Variants in DISC1 observed in about 807,000 individuals in gnomAD.
DISC1 encodes the protein DISC1 scaffold protein.
A neutral mutation model predicts 84.5 loss-of-function variants in DISC1; 57 were observed. The ratio of observed to expected loss-of-function variants is 0.67; its 90% CI spans 0.55 to 0.84. The LOEUF (loss-of-function observed/expected upper bound fraction) is 0.84. Ranked by LOEUF, DISC1 falls within the 40% of genes least tolerant of loss-of-function variation. The pLI is 0.00. For synonymous variants in DISC1, 411 were observed against 415.2 expected (o/e 0.99, Z 0.12); for missense variants, 1,000 against 1,057.8 (o/e 0.95, Z 0.76).
chr1:231,969,465 C>T (rs112166992), intron 10 of DISC1, among the ~76,000 whole-genome samples: 19 of 151,908 alleles, frequency 1.3e-4, no homozygotes, highest in African/African-American at 4.6e-4. Context: ...GATTTCCCAT[C>T]ACTTCTGAGA....
At chr1:231,707,741 T>A (rs1401190326) in intron 3 of DISC1, among the ~76,000 whole-genome samples, 6 of 152,162 alleles carry the variant, frequency 3.9e-5, no homozygotes, top group Non-Finnish European at 5.9e-5. Flanking sequence ...ATTAGATAGC[T>A]GCTGCTCTGG....
Position 231,800,227 on chromosome 1 carries a change from G to A in DISC1, c.1792+17G>A. On this transcript the variant is annotated intron_variant, in intron 8 of 12. Coordinates refer to ENST00000439617, the MANE Select transcript of DISC1 (RefSeq NM_018662.3). ...CCATATCAGGTAACTGGCAGTGTAG[G>A]AGACGTTGAAGCTATCCAACTAAAA... 6.3e-7 allele frequency: 1 copy of A among 1,595,908 alleles called. No homozygotes were observed. Among genetic ancestry groups the A allele is most frequent in the Non-Finnish European group, 8.6e-7 (1 of 1,165,098 alleles).
At chr1:231,650,795 G>A (rs1345178145) in intron 1 of DISC1, among the ~76,000 whole-genome samples, 3 of 151,718 alleles carry the variant, frequency 2.0e-5, no homozygotes, top group East Asian at 3.9e-4. Context: ...TTCTCTTCTC[G>A]CCTTATTTCA....
At chr1:231,782,184 C>G (rs1025709874) in intron 6 of DISC1, among the ~76,000 whole-genome samples, 2 of 152,214 alleles carry the variant, frequency 1.3e-5, no homozygotes, top group Non-Finnish European at 2.9e-5. Flanking sequence ...TCAGCTTCCT[C>G]TTTGAGTCAT....
At chr1:232,032,239 TG>T (rs1243990329) in intron 12 of DISC1, among the ~76,000 whole-genome samples, 1 of 152,194 alleles carries the variant, frequency 6.6e-6, no homozygotes, top group African/African-American at 2.4e-5. Context: ...CTAGGTCAGA[TG>T]AACCGAAGAC....
chr1:231,752,438 A>G (rs2125336690), intron 4 of DISC1, among the ~76,000 whole-genome samples: 1 of 152,300 alleles, frequency 6.6e-6, no homozygotes, highest in South Asian at 2.1e-4. Flanking sequence ...ACGAGATCTC[A>G]TGAGAACTCT....
At chr1:231,782,569 T>G in intron 6 of DISC1, among the ~76,000 whole-genome samples, 1 of 152,172 alleles carries the variant, frequency 6.6e-6, no homozygotes, top group Non-Finnish European at 1.5e-5. Flanking sequence ...TTTGGCAAAC[T>G]TTACAGTTAT....
intron 1 of DISC1, among the ~76,000 whole-genome samples, chr1:231,642,338 C>T (rs2059790648): frequency 6.6e-6 from 1 of 152,258 alleles, no homozygotes; most frequent in Non-Finnish European, 1.5e-5. Flanking sequence ...CTTGGCCAAC[C>T]CAGAAAGGGG....
At chr1:231,985,974 A>G (rs113046662) in intron 10 of DISC1, among the ~76,000 whole-genome samples, 2,215 of 152,318 alleles carry the variant, frequency 0.015, 66 homozygotes, top group African/African-American at 0.051. Flanking sequence ...GAGTCTTGTC[A>G]TCAGGATGGG....
Position 232,009,429 on chromosome 1 carries a change from C to G in DISC1, c.2307+380C>G. ...CATGATATTTAACATATATACTATACATTATGTATTGTATGTCATATATGA... is the reference window on the plus strand; with the variant it reads ...CATGATATTTAACATATATACTATAGATTATGTATTGTATGTCATATATGA... On this transcript the variant is annotated intron_variant, in intron 11 of 12. Coordinates refer to ENST00000439617, the MANE Select transcript of DISC1 (RefSeq NM_018662.3). This position sits in a 1 kb window ranked among gnomAD's most constrained non-coding sequence, Gnocchi z 4.6. 5 of 591,080 alleles carry G rather than the reference C, an allele frequency of 8.5e-6. No homozygotes were observed. Among genetic ancestry groups the G allele is most frequent in the Non-Finnish European group, 1.1e-5 (5 of 473,608 alleles). The allele number at this position is 591,080 out of a possible 1,614,324, so 36.6% of individuals were successfully genotyped here.
rs142541523 is a variant in DISC1, at chr1:231,869,325, A to G, written c.1981+50808A>G. ...TGGTTGTCTTGAGTGTGAAGTGCAA[A>G]AAGTAAAAATGGCCCTCAACAAAAA... On this transcript the variant is annotated intron_variant, in intron 9 of 12. Transcript: ENST00000439617. 1.2e-4 allele frequency among the ~76,000 whole-genome samples: 18 copies of G among 152,238 alleles called. No individual in the cohort carries two copies. In the East Asian group the frequency reaches 2.9e-3, roughly 25 times the overall value.
intron 10 of DISC1, among the ~76,000 whole-genome samples, chr1:231,991,234 G>C (rs1362128590): frequency 6.6e-6 from 1 of 152,192 alleles, no homozygotes; most frequent in Non-Finnish European, 1.5e-5. Flanking sequence ...TTCCACTCTT[G>C]GCATTTATTA....
chr1:231,907,387 A>G (rs535972496), intron 9 of DISC1, among the ~76,000 whole-genome samples: 87 of 151,414 alleles, frequency 5.7e-4, no homozygotes, highest in Non-Finnish European at 7.5e-4. Context: ...TCATTGTTCA[A>G]TTCCCACCTA....
In DISC1 at chr1:231,782,487, C is replaced by G. The variant is rs369074417; in HGVS notation, c.1634+11417C>G. ...GACTTGAGCTGTGCATATGCTTATT[C>G]TTAGCCAGACGCCAGTTAATTAAAG... On this transcript the variant is annotated intron_variant, in intron 6 of 12. Transcript: ENST00000439617. Among the ~76,000 whole-genome samples, 28 of 152,212 alleles carry G rather than the reference C, an allele frequency of 1.8e-4. No individual in the cohort carries two copies. The East Asian group carries it at 3.7e-3, about 20-fold the overall frequency.
intron 9 of DISC1, among the ~76,000 whole-genome samples, chr1:231,906,436 T>C (rs1043987474): frequency 3.3e-5 from 5 of 152,176 alleles, no homozygotes; most frequent in Non-Finnish European, 5.9e-5. Flanking sequence ...CTCACATGTG[T>C]GAGTTTGGGG....
At chr1:231,643,173 T>A (rs1300496180) in intron 1 of DISC1, among the ~76,000 whole-genome samples, 1 of 152,194 alleles carries the variant, frequency 6.6e-6, no homozygotes, top group African/African-American at 2.4e-5. Context: ...GGCCCTTCAG[T>A]GCAGAGATAA....
intron 9 of DISC1, among the ~76,000 whole-genome samples, chr1:231,931,380 C>G (rs1469163017): frequency 6.6e-6 from 1 of 152,176 alleles, no homozygotes; most frequent in East Asian, 1.9e-4. Context: ...TTTGTGTTGG[C>G]ATGCCCATGT....
chr1:232,024,122 A>G (rs1242423493), intron 11 of DISC1, among the ~76,000 whole-genome samples: 1 of 151,692 alleles, frequency 6.6e-6, no homozygotes, highest in African/African-American at 2.4e-5. Context: ...CACCACTGTT[A>G]TGGTCAATTT....
chr1:231,703,710 A>G (rs1231054488), intron 3 of DISC1, among the ~76,000 whole-genome samples: 2 of 152,146 alleles, frequency 1.3e-5, no homozygotes, highest in Non-Finnish European at 2.9e-5. Flanking sequence ...ACCTAAGGGA[A>G]TGGGGTTTGA....
Sources: gnomAD v4.1 joint callset for allele counts (sites outside exome capture counted in the v4.1 genomes callset) on GRCh38, gnomAD v4.1.1 for gene constraint, Gnocchi (gnomAD v3.1) non-coding constraint, MANE v1.5 for transcripts, NCBI Gene and HGNC (gene_info 2026-07-23, HGNC 2026-07-21) for gene names.